Variants in PRH1 observed in about 807,000 individuals in gnomAD.
PRH1 encodes the protein salivary acidic proline-rich phosphoprotein 1/2.
Under a neutral mutation model 7.9 loss-of-function variants are expected in PRH1, and 7 were observed. The ratio of observed to expected loss-of-function variants is 0.89; its 90% CI spans 0.50 to 1.67. PRH1 has a LOEUF of 1.67. Among genes scored for constraint, PRH1 ranks in the 40% most tolerant of loss-of-function variants. The probability of loss-of-function intolerance (pLI) is 0.00; values close to 1 mark genes in which losing one functional copy is unlikely to be tolerated. For missense variants in PRH1, 109 were observed against 223.6 expected (o/e 0.49, Z 3.27); for synonymous variants, 45 against 80.8 (o/e 0.56, Z 2.38).
At chr12:10,975,233 C>A (rs1432673053) in intron 1 of PRH1, among the ~76,000 whole-genome samples, 1 of 152,134 alleles carries the variant, frequency 6.6e-6, no homozygotes, top group African/African-American at 2.4e-5. Context: ...TTAGTAGAAG[C>A]CCTACAAACA....
At chr12:11,042,813 T>C (rs1289167310) in intron 1 of PRH1, among the ~76,000 whole-genome samples, 1 of 151,774 alleles carries the variant, frequency 6.6e-6, no homozygotes, top group Non-Finnish European at 1.5e-5. Context: ...GTATTTTTAG[T>C]AGAGACGGGG....
At chr12:10,925,639 G>C (rs1405049311) in intron 2 of PRH1, among the ~76,000 whole-genome samples, 1 of 152,148 alleles carries the variant, frequency 6.6e-6, no homozygotes, top group East Asian at 1.9e-4. Flanking sequence ...ACGTAAATGT[G>C]CTTATGATTT....
intron 1 of PRH1, chr12:11,134,005 T>A (rs1339400462): frequency 2.5e-6 from 4 of 1,613,974 alleles, no homozygotes; most frequent in Non-Finnish European, 3.4e-6. Context: ...CAGTAATTCT[T>A]ACTTCTACAC....
intron 3 of PRH1, among the ~76,000 whole-genome samples, chr12:10,881,618 T>C (rs886848534): frequency 1.3e-5 from 2 of 152,188 alleles, no homozygotes; most frequent in African/African-American, 4.8e-5. Context: ...TGTAGCAATA[T>C]ATATTTCAAA....
chr12:11,034,975 T>C (rs1942375430), intron 1 of PRH1: 2 of 152,134 alleles, frequency 1.3e-5, no homozygotes, highest in African/African-American at 4.8e-5. Context: ...TCAAGATCTA[T>C]TCTACTTTTG....
At position 10,988,004 on chromosome 12, in the gene PRH1, C is replaced by T. The variant is rs76433891; in HGVS notation, c.-125-14283G>A. On this transcript the variant is annotated intron_variant, in intron 1 of 3. Transcript: ENST00000539853. Reference sequence around the variant, plus strand: ...CCATATTGGGGTTTCTTGCTCTTTTCCATTGATCATGAGATTATCACCTGG... The same window carrying T: ...CCATATTGGGGTTTCTTGCTCTTTTTCATTGATCATGAGATTATCACCTGG... 6.6e-3 allele frequency among the ~76,000 whole-genome samples: 1,001 copies of T among 152,156 alleles called. 8 individuals carry two copies. The highest frequency in any genetic ancestry group is 0.027 in the Middle Eastern group (8 of 294).
chr12:10,981,273 T>G (rs1022030440), intron 1 of PRH1, among the ~76,000 whole-genome samples: 2 of 151,866 alleles, frequency 1.3e-5, no homozygotes, highest in African/African-American at 4.8e-5. Context: ...TATCTGAGAC[T>G]TTTAAGTTTG....
At chr12:10,950,765 C>T (rs979530635) in intron 2 of PRH1, among the ~76,000 whole-genome samples, 2 of 151,584 alleles carry the variant, frequency 1.3e-5, no homozygotes, top group African/African-American at 2.4e-5. Context: ...CTTGAAAGAA[C>T]TCATTAAAAA....
intron 1 of PRH1, chr12:11,021,984 CA>C: frequency 1.3e-6 from 2 of 1,598,604 alleles, no homozygotes; most frequent in South Asian, 2.2e-5. Flanking sequence ...AGATTAACAG[CA>C]GAAAACATAT....
At chr12:11,058,607 G>A (rs527692277) in intron 1 of PRH1, among the ~76,000 whole-genome samples, 1 of 152,280 alleles carries the variant, frequency 6.6e-6, no homozygotes, top group Non-Finnish European at 1.5e-5. Context: ...AACAAAAGAG[G>A]GCTCTACAGC....
chr12:10,924,206 C>T (rs974328494), intron 2 of PRH1, among the ~76,000 whole-genome samples: 4 of 152,060 alleles, frequency 2.6e-5, no homozygotes, highest in South Asian at 2.1e-4. Flanking sequence ...CCAGGATGGT[C>T]TCCATCTCCT....
In PRH1 at chr12:11,110,904, A is replaced by T. The variant is rs1417426432; in HGVS notation, n.123+60518T>A. ...CCCATTGTTGTGCTGTATTCAGGAA[A>T]CCCATCTCATGTGCAAAGACACAAA... On this transcript the variant is annotated intron_variant and non_coding_transcript_variant, in intron 1 of 4. Transcript: ENST00000541977. Among the ~76,000 whole-genome samples the T allele has an allele frequency of 2.0e-5, 3 of 152,196 alleles. No individual in the cohort carries two copies. In the East Asian group the frequency reaches 5.8e-4, roughly 29 times the overall value.
chr12:10,986,990 C>T (rs10772398), intron 1 of PRH1: 525,301 of 631,144 alleles, frequency 0.83, 220,877 homozygotes, highest in East Asian at 0.97. Flanking sequence ...TACTTTTAAA[C>T]ACTGTGACCA....
At chr12:10,932,627 A>G (rs909019038) in intron 2 of PRH1, among the ~76,000 whole-genome samples, 2 of 152,170 alleles carry the variant, frequency 1.3e-5, no homozygotes, top group Non-Finnish European at 2.9e-5. Flanking sequence ...AACTTTAACA[A>G]GTTTGAGAGT....
Position 11,039,360 on chromosome 12 carries a change from C to T in PRH1, c.-126+7660G>A, listed in dbSNP as rs554425157. ...AATAGGCCAACGGATGTAATCAATG[C>T]TCTCTTTATGGAAAATATGATAATT... is the stretch of plus-strand genomic sequence containing the variant. On this transcript the variant is annotated intron_variant, in intron 1 of 3. Coordinates refer to the PRH1 transcript ENST00000539853. Among the ~76,000 whole-genome samples, 15 of 152,362 alleles carry T rather than the reference C, an allele frequency of 9.8e-5. No homozygotes were observed. In the East Asian group the frequency reaches 2.5e-3, roughly 25 times the overall value.
chr12:10,941,894 T>A (rs1387722574), intron 2 of PRH1, among the ~76,000 whole-genome samples: 1 of 152,184 alleles, frequency 6.6e-6, no homozygotes, highest in Non-Finnish European at 1.5e-5. Flanking sequence ...TTGTTTAGAC[T>A]TTTTTGTTCC....
chr12:11,104,181 T>TAAAAAAAAAAAAAAAAAAAAAAGAAA (rs1945340187), intron 1 of PRH1, among the ~76,000 whole-genome samples: 1 of 49,582 alleles, frequency 2.0e-5, no homozygotes, highest in Non-Finnish European at 4.2e-5. Flanking sequence ...AATGAAAGAG[T>TAAAAAAAAAAAAAAAAAAAAAAGAAA]AAAAAAAAAA....
chr12:11,040,427 A>G (rs1371260127), intron 1 of PRH1, among the ~76,000 whole-genome samples: 1 of 152,162 alleles, frequency 6.6e-6, no homozygotes, highest in Non-Finnish European at 1.5e-5. Context: ...GACATGGATG[A>G]AGCTGGAAAT....
At chr12:11,100,399 TGA>T (rs1377502684) in intron 1 of PRH1, among the ~76,000 whole-genome samples, 1 of 152,200 alleles carries the variant, frequency 6.6e-6, no homozygotes, top group African/African-American at 2.4e-5. Flanking sequence ...TGATTTGATG[TGA>T]GGAGTTTTTT....
Sources: allele counts gnomAD v4.1 joint callset (sites outside exome capture counted in the v4.1 genomes callset), GRCh38; gene constraint gnomAD v4.1.1; transcripts MANE v1.5; gene names NCBI Gene and HGNC (gene_info 2026-07-23, HGNC 2026-07-21).